Variants in RHBG observed in about 807,000 individuals in gnomAD.
The protein encoded by RHBG is ammonium transporter Rh type B.
Under a neutral mutation model 40.1 loss-of-function variants are expected in RHBG, and 39 were observed. The observed-to-expected ratio is 0.97, with a 90% CI of 0.75 to 1.27. The LOEUF is 1.27. Ranked by LOEUF, RHBG falls within the 50% of genes most tolerant of loss-of-function variation. The pLI, the probability that RHBG is intolerant of heterozygous loss-of-function variation, is 0.00. For synonymous variants in RHBG, 237 were observed against 252.5 expected, an observed-to-expected ratio of 0.94 and a Z score of 0.58; for missense variants, 549 against 588.1, an observed-to-expected ratio of 0.93 and a Z score of 0.69.
In RHBG at chr1:156,377,754, TG is replaced by T. The variant is rs1361251838; in HGVS notation, c.375-235del. Among the ~76,000 whole-genome samples the T allele has an allele frequency of 6.6e-6, 1 of 152,216 alleles. No homozygotes were observed. The highest frequency in any genetic ancestry group is 2.4e-5 in the African/African-American group (1 of 41,456). On this transcript the variant is annotated intron_variant, in intron 2 of 9. Coordinates refer to ENST00000537040, the MANE Select transcript of RHBG (RefSeq NM_020407.5). This position sits in a 1 kb window ranked among gnomAD's most constrained non-coding sequence, Gnocchi z 4.6. The stretch of plus-strand genomic sequence containing the variant: ...AGACAGCTCTGGTTCTTCCACCTAT[TG>T]TGGGCTTTGTCAGATGAGTCACAGA...
intron 1 of RHBG, among the ~76,000 whole-genome samples, chr1:156,369,898 G>T (rs1666724047): frequency 6.6e-6 from 1 of 152,128 alleles, no homozygotes; most frequent in Non-Finnish European, 1.5e-5. Flanking sequence ...TAAGAGTGGG[G>T]TTGTGAGCGG....
chr1:156,375,033 T>C (rs1667093359), intron 1 of RHBG, among the ~76,000 whole-genome samples: 1 of 151,904 alleles, frequency 6.6e-6, no homozygotes, highest in South Asian at 2.1e-4. Context: ...TTGGGGACAT[T>C]TAGTGTCCCA....
At chr1:156,375,901 A>G (rs917218190) in intron 1 of RHBG, among the ~76,000 whole-genome samples, 8 of 151,874 alleles carry the variant, frequency 5.3e-5, no homozygotes, top group Non-Finnish European at 7.4e-5. Flanking sequence ...CACCATGCCA[A>G]GCTGATTATT....
At position 156,384,960 on chromosome 1, in the gene RHBG, A is replaced by G; in HGVS notation, c.*115A>G. 1 of 672,696 alleles carries G rather than the reference A, an allele frequency of 1.5e-6. No homozygotes were observed. The highest frequency in any genetic ancestry group is 2.6e-6 in the Non-Finnish European group (1 of 385,216). 41.7% of individuals were successfully genotyped at this position (672,696 alleles called of 1,614,324 possible). ...AGCTGCAAGAAGGGAGCCATGAGCC[A>G]GAAGGAGGCCCCTTTCCACAGGCAG... On this transcript the variant is annotated 3_prime_UTR_variant, in exon 10 of 10. Transcript: ENST00000537040.
intron 1 of RHBG, among the ~76,000 whole-genome samples, chr1:156,370,914 A>G (rs1666813003): frequency 6.7e-6 from 1 of 148,626 alleles, no homozygotes; most frequent in Non-Finnish European, 1.5e-5. Flanking sequence ...CCCCATGGGA[A>G]TAGAGCCTCA....
In RHBG at chr1:156,384,491, A is replaced by G. The variant is rs763529699; in HGVS notation, c.1235-36A>G. 4 of 1,599,152 alleles carry G rather than the reference A, an allele frequency of 2.5e-6. No homozygotes were observed. In the African/African-American group the frequency reaches 4.0e-5, roughly 16 times the overall value. On this transcript the variant is annotated intron_variant, in intron 8 of 9. Transcript: ENST00000537040. ...GGCACCCTCCTCCATGGTGGGGGGC[A>G]GAGAAGCCTCACAGATCCTCCCCTA...
chr1:156,374,750 C>T, intron 1 of RHBG: 1 of 289,180 alleles, frequency 3.5e-6, no homozygotes, highest in South Asian at 2.6e-5. Flanking sequence ...CCACACCTGG[C>T]TTATTTTGTA....
chr1:156,381,981 T>A (rs762207112), intron 6 of RHBG, 38 bp downstream of exon 6: 1 of 1,608,514 alleles, frequency 6.2e-7, no homozygotes, highest in Admixed American at 1.7e-5. Flanking sequence ...GAACATGGAG[T>A]CTTTGGTACC....
Position 156,377,164 on chromosome 1 carries a change from G to C in RHBG, c.188-137G>C, listed in dbSNP as rs1160366123. The C allele has an allele frequency of 6.2e-6, 6 of 969,372 alleles. No homozygotes were observed. Among genetic ancestry groups the C allele is most frequent in the Non-Finnish European group, 7.8e-6 (5 of 638,450 alleles). The allele number at this position is 969,372 out of a possible 1,614,324, so 60.0% of individuals were successfully genotyped here. On this transcript the variant is annotated intron_variant, in intron 1 of 9. Transcript: ENST00000537040. The surrounding 1 kb of genome is among the most constrained non-coding windows in gnomAD (Gnocchi z 4.6). ...GCTCAGGGCTGGGAGCCCCTGACAT[G>C]CCTGGGGAGTTTTATAGGCTCGGCT...
Position 156,385,033 on chromosome 1 carries a change from G to A in RHBG, c.*188G>A. 1 of 564,812 alleles carries A rather than the reference G, an allele frequency of 1.8e-6. No homozygotes were observed. Among genetic ancestry groups the A allele is most frequent in the Non-Finnish European group, 3.2e-6 (1 of 314,956 alleles). 35.0% of individuals were successfully genotyped at this position (564,812 alleles called of 1,614,324 possible). On this transcript the variant is annotated 3_prime_UTR_variant, in exon 10 of 10. Coordinates refer to ENST00000537040, the MANE Select transcript of RHBG (RefSeq NM_020407.5). ...ACAGGAGGCTGGGAAATGGTGGGGA[G>A]TGGGGCCGTAACTGGGTACAATAGG...
chr1:156,370,205 T>G (rs1570980580), intron 1 of RHBG, among the ~76,000 whole-genome samples: 1 of 152,094 alleles, frequency 6.6e-6, no homozygotes, highest in South Asian at 2.1e-4. Context: ...TCCCAGCACT[T>G]TGGGAGGCCA....
chr1:156,377,901 A>AACAT lies in RHBG; in HGVS notation c.375-89_375-88insACAT. Reference sequence around the variant, plus strand: ...ACTCCAACCCCACCCCACCCACCACATCATGCTGTCCTGGCTTCATGCCAG... The same window carrying AACAT: ...ACTCCAACCCCACCCCACCCACCACAACATTCATGCTGTCCTGGCTTCATGCCAG... On this transcript the variant is annotated intron_variant, in intron 2 of 9. Transcript: ENST00000537040. This position sits in a 1 kb window ranked among gnomAD's most constrained non-coding sequence, Gnocchi z 4.6. 2 of 1,230,008 alleles carry AACAT rather than the reference A, an allele frequency of 1.6e-6. No individual in the cohort carries two copies. The highest frequency in any genetic ancestry group is 2.2e-6 in the Non-Finnish European group (2 of 889,790). The allele number at this position is 1,230,008 out of a possible 1,614,324, so 76.2% of individuals were successfully genotyped here.
At chr1:156,371,356 C>T (rs774117132) in intron 1 of RHBG, 32 of 307,768 alleles carry the variant, frequency 1.0e-4, no homozygotes, top group Admixed American at 1.8e-4. Context: ...GATGAGGTTT[C>T]GCCATGTTGG....
At chr1:156,372,955 C>T (rs1335846990) in intron 1 of RHBG, among the ~76,000 whole-genome samples, 4 of 152,190 alleles carry the variant, frequency 2.6e-5, no homozygotes, top group African/African-American at 9.7e-5. Context: ...CCACGCCCGG[C>T]CAGACTTAGA....
At chr1:156,382,716 C>A (rs766184120) in intron 7 of RHBG, 32 bp from the exon 8 acceptor site, 1 of 1,613,254 alleles carries the variant, frequency 6.2e-7, no homozygotes, top group Non-Finnish European at 8.5e-7. Flanking sequence ...CTCTCCCTAC[C>A]CCTGCCTTTC....
Position 156,369,292 on chromosome 1 carries a change from C to T in RHBG, c.43C>T (p.Leu15Phe), listed in dbSNP as rs200731197. The T allele has an allele frequency of 2.5e-5, 40 of 1,613,926 alleles. No homozygotes were observed. The highest frequency in any genetic ancestry group is 2.2e-5 in the Non-Finnish European group (26 of 1,180,026). Residue 15 changes from leucine to phenylalanine, a missense_variant, in exon 1 of 10, where the codon CTT (leucine) becomes TTT (phenylalanine). By Grantham distance (22) the Leu-to-Phe change is conservative (BLOSUM62 0). Coordinates refer to ENST00000537040, the MANE Select transcript of RHBG (RefSeq NM_020407.5). Reference protein sequence around the residue: ...PSRAAGRRLQLPLLCLFLQGA... With the variant: ...PSRAAGRRLQFPLLCLFLQGA... ...CCGCGCCGCGGGCCGGCGACTGCAG[C>T]TTCCCCTGCTGTGCCTCTTCCTCCA...
chr1:156,381,861 A>T lies in RHBG; in HGVS notation c.896A>T (p.Glu299Val), dbSNP rs1175200988. 6.3e-7 allele frequency: 1 copy of T among 1,599,654 alleles called. No homozygotes were observed. The highest frequency in any genetic ancestry group is 1.9e-5 in the Admixed American group (1 of 53,420). The change falls in exon 6 of 10, where the codon GAA (glutamate) becomes GTA (valine). Residue 299 changes from glutamate to valine, a missense_variant. Around this residue, in one of 3 missense-constraint regions of RHBG, gnomAD observed 399 missense variants for 417.0 expected, o/e 0.96. Coordinates refer to ENST00000537040, the MANE Select transcript of RHBG (RefSeq NM_020407.5). ...AGGVVVGTSS[E>V]MMLTPFGALA... ...GGGGTTGTGGTGGGGACCTCAAGTGAAATGATGCTGACACCCTTTGGGGCT... is the reference window on the plus strand; with the variant it reads ...GGGGTTGTGGTGGGGACCTCAAGTGTAATGATGCTGACACCCTTTGGGGCT...
intron 1 of RHBG, chr1:156,371,235 C>G: frequency 2.6e-6 from 1 of 382,732 alleles, no homozygotes; most frequent in Non-Finnish European, 5.0e-6. Context: ...TCTCGGCTCA[C>G]TGCAACCTTC....
intron 8 of RHBG, among the ~76,000 whole-genome samples, chr1:156,384,186 C>G (rs1167963832): frequency 6.6e-6 from 1 of 152,214 alleles, no homozygotes; most frequent in Non-Finnish European, 1.5e-5. Context: ...GAAAGCTCAG[C>G]AGCTGTGGTT....
Sources: allele counts gnomAD v4.1 joint callset (sites outside exome capture counted in the v4.1 genomes callset), GRCh38; gene constraint gnomAD v4.1.1; regional missense constraint gnomAD v4.1.1; non-coding constraint Gnocchi (gnomAD v3.1); transcripts MANE v1.5; gene names NCBI Gene and HGNC (gene_info 2026-07-23, HGNC 2026-07-21).